Variants in GAS7 observed in about 807,000 individuals in gnomAD.
GAS7 encodes the protein growth arrest-specific protein 7.
GAS7 carries 28 observed loss-of-function variants against 71.1 expected under a neutral mutation model. That is an observed-to-expected ratio of 0.39 (90% CI 0.29 to 0.54). The LOEUF (loss-of-function observed/expected upper bound fraction) is 0.54, where lower values mean the gene tolerates loss of function less well. GAS7 is among the 20% of genes least tolerant of loss of function. The pLI is 0.62. For synonymous variants in GAS7, 258 were observed against 245.8 expected (o/e 1.05, Z -0.46); for missense variants, 436 against 627.8 (o/e 0.69, Z 3.27).
intron 1 of GAS7, among the ~76,000 whole-genome samples, chr17:10,183,903 G>C: frequency 6.6e-6 from 1 of 151,694 alleles, no homozygotes; most frequent in Admixed American, 6.6e-5. Context: ...CAGGGGCTGA[G>C]CTGGGATTTG....
In GAS7 at chr17:9,914,666, G is replaced by T. The variant is rs747800056; in HGVS notation, c.*2562C>A. On this transcript the variant is annotated 3_prime_UTR_variant, in exon 14 of 14. Transcript: ENST00000432992. ...ATCCAACAGGTAAATGCCTCACGAC[G>T]GTGGTTTATATTATAATAAAGAATC... 1 of 217,446 alleles carries T rather than the reference G, an allele frequency of 4.6e-6. No homozygotes were observed. The highest frequency in any genetic ancestry group is 1.9e-4 in the South Asian group (1 of 5,380). The allele number at this position is 217,446 out of a possible 1,614,324, so 13.5% of individuals were successfully genotyped here. A position where few individuals can be genotyped will look rare whatever the true frequency, so the allele number is the denominator to read the frequency against.
intron 2 of GAS7, among the ~76,000 whole-genome samples, chr17:9,989,245 C>T (rs2070755373): frequency 6.6e-6 from 1 of 152,092 alleles, no homozygotes; most frequent in Non-Finnish European, 1.5e-5. Context: ...CGTGTCTGAG[C>T]TCTAGGCTGG....
At chr17:10,020,002 T>C in intron 1 of GAS7, 105 bp from the exon 2 acceptor site, 1 of 1,127,450 alleles carries the variant, frequency 8.9e-7, no homozygotes, top group Non-Finnish European at 1.3e-6. Flanking sequence ...AGCGTGACAT[T>C]GGGAAGTCTG....
intron 1 of GAS7, among the ~76,000 whole-genome samples, chr17:10,197,184 T>G (rs1440212314): frequency 2.0e-5 from 3 of 151,550 alleles, no homozygotes; most frequent in Non-Finnish European, 4.4e-5. Flanking sequence ...CCGCCCCCGA[T>G]GAATTGCACT....
intron 2 of GAS7, among the ~76,000 whole-genome samples, chr17:10,010,010 G>A (rs1418455624): frequency 3.9e-5 from 6 of 151,940 alleles, no homozygotes; most frequent in Admixed American, 3.9e-4. Context: ...CAAATACTGA[G>A]GCAAAAAAGA....
At chr17:10,059,830 G>A (rs1158032542) in intron 1 of GAS7, 11 of 983,572 alleles carry the variant, frequency 1.1e-5, no homozygotes, top group African/African-American at 3.5e-5. Context: ...TTGCAGCCAC[G>A]CAGGTTAGCA....
intron 1 of GAS7, among the ~76,000 whole-genome samples, chr17:10,170,742 A>G (rs1317516619): frequency 2.6e-5 from 4 of 152,208 alleles, no homozygotes; most frequent in Admixed American, 2.6e-4. Flanking sequence ...GCTGGCACTG[A>G]ACGAGCGTTT....
chr17:9,998,428 C>T (rs1377483860), intron 2 of GAS7, among the ~76,000 whole-genome samples: 1 of 152,148 alleles, frequency 6.6e-6, no homozygotes, highest in East Asian at 1.9e-4. Flanking sequence ...TGAGTGGCCA[C>T]TTCTGCCAAA....
chr17:10,012,777 A>G (rs1310995165), intron 2 of GAS7, among the ~76,000 whole-genome samples: 1 of 152,122 alleles, frequency 6.6e-6, no homozygotes, highest in Non-Finnish European at 1.5e-5. Flanking sequence ...TAAGTCATGC[A>G]GGCTCCACCA....
At chr17:10,119,197 C>G (rs529824742) in intron 1 of GAS7, among the ~76,000 whole-genome samples, 1 of 152,222 alleles carries the variant, frequency 6.6e-6, no homozygotes, top group East Asian at 1.9e-4. Context: ...AGAAGGTGAT[C>G]GGGGGAATAG....
chr17:10,108,347 T>C (rs1191363778), intron 1 of GAS7, among the ~76,000 whole-genome samples: 1 of 152,230 alleles, frequency 6.6e-6, no homozygotes, highest in Non-Finnish European at 1.5e-5. Context: ...AATGAATCTC[T>C]GAGTTGGCCA....
At chr17:10,120,347 G>A (rs566874408) in intron 1 of GAS7, among the ~76,000 whole-genome samples, 5 of 152,188 alleles carry the variant, frequency 3.3e-5, no homozygotes, top group Non-Finnish European at 7.3e-5. Context: ...TGTGGAGGAT[G>A]GGGGGCCACT....
chr17:9,937,930 T>C lies in GAS7; in HGVS notation c.806+2196A>G, dbSNP rs183723308. Among the ~76,000 whole-genome samples the C allele has an allele frequency of 5.6e-4, 85 of 152,332 alleles. 1 individual carries two copies. The highest frequency in any genetic ancestry group is 1.3e-4 in the Non-Finnish European group (9 of 68,022). ...TTTTTTTTTACAGAGGTGAAATTCA[T>C]ATAACATAAAATTAACCGTTGAAAA... On this transcript the variant is annotated intron_variant, in intron 8 of 13. Coordinates refer to ENST00000432992, the MANE Select transcript of GAS7 (RefSeq NM_201433.2).
rs898087632 is a variant in GAS7 at position 9,981,593 on chromosome 17, G to A, written c.385+211C>T. On this transcript the variant is annotated intron_variant, in intron 3 of 13. Transcript: ENST00000432992. The surrounding 1 kb of genome is among the most constrained non-coding windows in gnomAD (Gnocchi z 4.4). ...TCCCACTAAGCGCCTGAGGAGGAGT[G>A]TGCAGGAGGCCACCAGAGCTGCTGC... is the stretch of plus-strand genomic sequence containing the variant. 1.3e-5 allele frequency among the ~76,000 whole-genome samples: 2 copies of A among 152,102 alleles called. No individual in the cohort carries two copies. Among genetic ancestry groups the A allele is most frequent in the Non-Finnish European group, 1.5e-5 (1 of 68,020 alleles).
At chr17:9,953,338 T>C (rs2069097002) in intron 5 of GAS7, among the ~76,000 whole-genome samples, 1 of 152,184 alleles carries the variant, frequency 6.6e-6, no homozygotes, top group Non-Finnish European at 1.5e-5. Context: ...TCCTTGAGGA[T>C]ACCAGTCCTC....
chr17:10,100,498 C>G (rs1047146808), intron 1 of GAS7, among the ~76,000 whole-genome samples: 2 of 152,168 alleles, frequency 1.3e-5, no homozygotes, highest in Non-Finnish European at 2.9e-5. Flanking sequence ...CTCTCAAATC[C>G]CATCCAGGTG....
chr17:10,153,103 G>A (rs1434227256), intron 1 of GAS7, among the ~76,000 whole-genome samples: 1 of 151,184 alleles, frequency 6.6e-6, no homozygotes, highest in African/African-American at 2.4e-5. Flanking sequence ...CAGCTACTCA[G>A]GGTAGCTTAG....
In GAS7 at chr17:9,995,503, G is replaced by A. The variant is rs143214054; in HGVS notation, c.305-13619C>T. 5.9e-3 allele frequency among the ~76,000 whole-genome samples: 884 copies of A among 149,082 alleles called. 4 individuals carry two copies. Among genetic ancestry groups the A allele is most frequent in the Non-Finnish European group, 8.2e-3 (554 of 67,636 alleles). On this transcript the variant is annotated intron_variant, in intron 2 of 13. Coordinates refer to ENST00000432992, the MANE Select transcript of GAS7 (RefSeq NM_201433.2). ...TAAAAAGAGCAAAGAACATATACAG[G>A]TGATTTACAGAAAAAACAATTGCAA... is the stretch of plus-strand genomic sequence containing the variant.
At chr17:9,984,559 C>T (rs1024005445) in intron 2 of GAS7, among the ~76,000 whole-genome samples, 2 of 152,172 alleles carry the variant, frequency 1.3e-5, no homozygotes, top group Non-Finnish European at 2.9e-5. Flanking sequence ...CACTGGCTGG[C>T]AAGAGCAGGA....
Sources: allele counts gnomAD v4.1 joint callset (sites outside exome capture counted in the v4.1 genomes callset), GRCh38; gene constraint gnomAD v4.1.1; non-coding constraint Gnocchi (gnomAD v3.1); transcripts MANE v1.5; gene names NCBI Gene and HGNC (gene_info 2026-07-23, HGNC 2026-07-21).